FSHR: variants seen among roughly 807,000 people sequenced by gnomAD.
FSHR encodes follicle stimulating hormone receptor.
A neutral mutation model predicts 52.1 loss-of-function variants in FSHR; 46 were observed. The ratio of observed to expected loss-of-function variants is 0.88; its 90% CI spans 0.70 to 1.13. The LOEUF (loss-of-function observed/expected upper bound fraction) is 1.13. Ranked by LOEUF, FSHR falls within the 50% of genes most tolerant of loss-of-function variation. FSHR has a pLI of 0.00. For missense variants in FSHR, 964 were observed against 834.6 expected, an observed-to-expected ratio of 1.16 and a Z score of -1.91; for synonymous variants, 399 against 309.6, an observed-to-expected ratio of 1.29 and a Z score of -3.03.
rs568563069 is a variant in FSHR at position 49,067,298 on chromosome 2, T to C, written c.224+921A>G. On this transcript the variant is annotated intron_variant, in intron 2 of 9. Coordinates refer to ENST00000406846, the MANE Select transcript of FSHR (RefSeq NM_000145.4). ...CTTCTATACTTTGTGATTCTTTTGT[T>C]ATTGGATTCCTTTCTTGCTTCTTCA... 1.1e-3 allele frequency among the ~76,000 whole-genome samples: 167 copies of C among 152,268 alleles called. 1 individual carries two copies. Among genetic ancestry groups the C allele is most frequent in the African/African-American group, 3.8e-3 (160 of 41,562 alleles).
At chr2:49,033,028 A>G (rs1180270131) in intron 2 of FSHR, among the ~76,000 whole-genome samples, 5 of 152,242 alleles carry the variant, frequency 3.3e-5, no homozygotes, top group Non-Finnish European at 5.9e-5. Flanking sequence ...TTGCATATCT[A>G]ATTATGTTTT....
At chr2:48,989,178 T>C (rs921432644) in intron 5 of FSHR, 124 bp from the exon 6 acceptor site, 1 of 710,902 alleles carries the variant, frequency 1.4e-6, no homozygotes. Context: ...AACTAGTTGT[T>C]GTTTAGAAGA....
chr2:48,994,846 C>T (rs1171026558), intron 4 of FSHR, among the ~76,000 whole-genome samples: 1 of 152,174 alleles, frequency 6.6e-6, no homozygotes, highest in Admixed American at 6.5e-5. Context: ...TTTTCCCTCT[C>T]TACAGCCAGT....
intron 1 of FSHR, among the ~76,000 whole-genome samples, chr2:49,088,510 C>A (rs776570900): frequency 6.6e-6 from 1 of 152,176 alleles, no homozygotes; most frequent in Non-Finnish European, 1.5e-5. Context: ...GATGCCCTTA[C>A]TTTTGCTCTG....
intron 1 of FSHR, among the ~76,000 whole-genome samples, chr2:49,088,757 A>C (rs967353779): frequency 6.6e-6 from 1 of 152,176 alleles, no homozygotes; most frequent in Non-Finnish European, 1.5e-5. Context: ...CTAGGGATAA[A>C]CTTCCTTTTA....
chr2:49,103,320 G>T (rs1274087082), intron 1 of FSHR, among the ~76,000 whole-genome samples: 8 of 152,106 alleles, frequency 5.3e-5, no homozygotes, highest in Non-Finnish European at 1.5e-5. Flanking sequence ...TTAAAGGATT[G>T]TAAATAAACT....
chr2:49,078,443 T>G (rs1370325429), intron 1 of FSHR, among the ~76,000 whole-genome samples: 1 of 152,176 alleles, frequency 6.6e-6, no homozygotes, highest in Non-Finnish European at 1.5e-5. Flanking sequence ...TTTATGTGGT[T>G]AGTGTAACAT....
At chr2:49,033,140 AT>A (rs1668158376) in intron 2 of FSHR, among the ~76,000 whole-genome samples, 1 of 152,228 alleles carries the variant, frequency 6.6e-6, no homozygotes, top group South Asian at 2.1e-4. Flanking sequence ...TTGCTTTCCA[AT>A]TAGACTGCAA....
intron 2 of FSHR, among the ~76,000 whole-genome samples, chr2:49,021,729 A>G (rs1162198856): frequency 6.6e-6 from 1 of 151,294 alleles, no homozygotes; most frequent in Non-Finnish European, 1.5e-5. Flanking sequence ...TTATGTGAGA[A>G]GAGCTCCTCT....
chr2:48,979,873 A>G (rs559295865), intron 8 of FSHR, among the ~76,000 whole-genome samples: 31 of 152,140 alleles, frequency 2.0e-4, no homozygotes, highest in Non-Finnish European at 3.7e-4. Context: ...AGTCAAGATC[A>G]GCATGATTTG....
At chr2:48,988,870 G>C (rs1242144950) in intron 6 of FSHR, 107 bp downstream of exon 6, 2 of 872,890 alleles carry the variant, frequency 2.3e-6, no homozygotes, top group African/African-American at 3.3e-5. Context: ...TTTAAGTGGA[G>C]AAATGCCAAA....
At chr2:49,012,698 T>C (rs1658634252) in intron 4 of FSHR, among the ~76,000 whole-genome samples, 1 of 152,144 alleles carries the variant, frequency 6.6e-6, no homozygotes, top group African/African-American at 2.4e-5. Flanking sequence ...AACCAACAAC[T>C]CAATCCTACT....
chr2:49,042,555 G>T (rs550878783), intron 2 of FSHR, among the ~76,000 whole-genome samples: 1 of 151,720 alleles, frequency 6.6e-6, no homozygotes, highest in South Asian at 2.1e-4. Flanking sequence ...CTCTATACAG[G>T]ATGATCACAG....
intron 1 of FSHR, among the ~76,000 whole-genome samples, chr2:49,091,230 A>G (rs1296894996): frequency 1.3e-5 from 2 of 151,788 alleles, no homozygotes; most frequent in Non-Finnish European, 2.9e-5. Flanking sequence ...TAAGTTTTTT[A>G]TAGCTTTTAT....
At chr2:48,992,747 T>G (rs2104110505) in intron 4 of FSHR, among the ~76,000 whole-genome samples, 1 of 152,264 alleles carries the variant, frequency 6.6e-6, no homozygotes, top group South Asian at 2.1e-4. Context: ...CTTCTTTCAC[T>G]TAGCCTAACT....
intron 1 of FSHR, among the ~76,000 whole-genome samples, chr2:49,110,556 T>A (rs1413925984): frequency 6.6e-6 from 1 of 152,208 alleles, no homozygotes; most frequent in Non-Finnish European, 1.5e-5. Context: ...GTTGACTACA[T>A]ATTTGTCACC....
Position 49,068,203 on chromosome 2 carries a change from A to G in FSHR, c.224+16T>C. 6.2e-7 allele frequency: 1 copy of G among 1,601,448 alleles called. No homozygotes were observed. The highest frequency in any genetic ancestry group is 8.5e-7 in the Non-Finnish European group (1 of 1,170,598). On this transcript the variant is annotated intron_variant, in intron 2 of 9. Transcript: ENST00000406846. ...CCCCCTTGAGGCATTCACTCACAGC[A>G]GTGCTAGGTACATACATTTTCTCCA...
intron 2 of FSHR, among the ~76,000 whole-genome samples, chr2:49,029,155 A>G (rs1008199272): frequency 4.6e-5 from 7 of 152,244 alleles, no homozygotes; most frequent in African/African-American, 1.7e-4. Context: ...CCTCAAAACG[A>G]AATCTATATT....
intron 1 of FSHR, among the ~76,000 whole-genome samples, chr2:49,070,818 GA>G (rs1669702696): frequency 6.6e-6 from 1 of 152,028 alleles, no homozygotes; most frequent in South Asian, 2.1e-4. Flanking sequence ...ACATTTTCAC[GA>G]AAAATTACCC....
Sources: allele counts gnomAD v4.1 joint callset (sites outside exome capture counted in the v4.1 genomes callset), GRCh38; gene constraint gnomAD v4.1.1; transcripts MANE v1.5; gene names NCBI Gene and HGNC (gene_info 2026-07-23, HGNC 2026-07-21).